UBR3: variants seen among roughly 807,000 people sequenced by gnomAD.
The protein encoded by UBR3 is E3 ubiquitin-protein ligase UBR3.
Under a neutral mutation model 243.2 loss-of-function variants are expected in UBR3, and 85 were observed. The observed-to-expected ratio is 0.35, with a 90% CI of 0.29 to 0.42. UBR3 has a LOEUF of 0.42. UBR3 is among the 10% of genes least tolerant of loss of function. The pLI, the probability that UBR3 is intolerant of heterozygous loss-of-function variation, is 1.00. For missense variants in UBR3, 1,686 were observed against 2,300.8 expected, an observed-to-expected ratio of 0.73 and a Z score of 5.47; for synonymous variants, 748 against 799.8, an observed-to-expected ratio of 0.94 and a Z score of 1.09.
rs906251479 is a variant in UBR3 at position 169,847,769 on chromosome 2, G to C, written c.545+19717G>C. On this transcript the variant is annotated intron_variant, in intron 1 of 38. Coordinates refer to ENST00000272793, the MANE Select transcript of UBR3 (RefSeq NM_172070.4). ...TTACAAGTTTTCCATCAGTTTGGCT[G>C]ATGGGAACAGACACCATTCTCAACC... 8.5e-5 allele frequency among the ~76,000 whole-genome samples: 13 copies of C among 152,158 alleles called. No homozygotes were observed. In the South Asian group the frequency reaches 1.0e-3, roughly 12 times the overall value.
intron 2 of UBR3, 120 bp downstream of exon 2, chr2:169,872,495 A>G (rs371852802): frequency 8.5e-6 from 6 of 702,112 alleles, no homozygotes; most frequent in Non-Finnish European, 2.2e-6. Flanking sequence ...TTAAAAAGAG[A>G]TGACTATAAA....
intron 5 of UBR3, among the ~76,000 whole-genome samples, chr2:169,887,779 C>T (rs979043829): frequency 6.7e-6 from 1 of 148,600 alleles, no homozygotes; most frequent in South Asian, 2.1e-4. Flanking sequence ...CTTTTTCTTT[C>T]TTTCTTTTTT....
chr2:169,918,508 G>T (rs551279179), intron 11 of UBR3, among the ~76,000 whole-genome samples: 2 of 138,238 alleles, frequency 1.4e-5, no homozygotes, highest in Non-Finnish European at 3.2e-5. Flanking sequence ...TTTTTTTTAA[G>T]ACAGGGTCTC....
At chr2:170,058,965 T>G (rs1377645178) in intron 33 of UBR3, among the ~76,000 whole-genome samples, 1 of 152,204 alleles carries the variant, frequency 6.6e-6, no homozygotes, top group African/African-American at 2.4e-5. Context: ...ACAGACTCTC[T>G]TGCATCTCTC....
intron 32 of UBR3, among the ~76,000 whole-genome samples, chr2:170,043,724 G>T (rs1300391877): frequency 6.6e-6 from 1 of 152,142 alleles, no homozygotes; most frequent in East Asian, 1.9e-4. Flanking sequence ...ACCAAAACAT[G>T]TACTTCACCC....
rs201195177 is a variant in UBR3 at position 169,924,553 on chromosome 2, AAGAGG to A, written c.2022+385_2022+389del. On this transcript the variant is annotated intron_variant, in intron 13 of 38. Coordinates refer to ENST00000272793, the MANE Select transcript of UBR3 (RefSeq NM_172070.4). ...TCCCTATCTGTATAGTGAGAGGAGA[AAGAGG>A]AGAGAAGAATTAGCTTATATAAGCA... Among the ~76,000 whole-genome samples the A allele has an allele frequency of 4.0e-3, 615 of 152,300 alleles. 5 individuals are homozygous for A. Among genetic ancestry groups the A allele is most frequent in the African/African-American group, 0.014 (575 of 41,556 alleles).
At chr2:170,048,374 T>G (rs932005776) in intron 32 of UBR3, among the ~76,000 whole-genome samples, 1 of 152,230 alleles carries the variant, frequency 6.6e-6, no homozygotes, top group Non-Finnish European at 1.5e-5. Context: ...AACCTCACTC[T>G]GGCATCATGC....
chr2:169,844,255 T>C (rs62170268), intron 1 of UBR3, among the ~76,000 whole-genome samples: 7,600 of 152,226 alleles, frequency 0.05, 229 homozygotes, highest in Non-Finnish European at 0.076. Context: ...CGCCTCAGCC[T>C]CCCAGAGTGC....
At position 169,856,332 on chromosome 2, in the gene UBR3, A is replaced by G. The variant is rs1269180042; in HGVS notation, c.546-15904A>G. Among the ~76,000 whole-genome samples, 7 of 125,342 alleles carry G rather than the reference A, an allele frequency of 5.6e-5. No individual in the cohort carries two copies. The South Asian group carries it at 1.0e-3, about 19-fold the overall frequency. 82.2% of individuals were successfully genotyped at this position (125,342 alleles called of 152,430 possible). On this transcript the variant is annotated intron_variant, in intron 1 of 38. Coordinates refer to ENST00000272793, the MANE Select transcript of UBR3 (RefSeq NM_172070.4). ...GACGGGATGATGGCCGGGAAGAGGC[A>G]CTCCTCACTTCCCAGACTGGGCAGC... is the stretch of plus-strand genomic sequence containing the variant.
intron 27 of UBR3, among the ~76,000 whole-genome samples, chr2:170,002,738 C>G (rs2089758872): frequency 6.6e-6 from 1 of 152,180 alleles, no homozygotes; most frequent in African/African-American, 2.4e-5. Context: ...CCCTTCTCAG[C>G]TCATCAGGAG....
intron 24 of UBR3, chr2:169,964,768 A>G (rs1334556460): frequency 2.4e-6 from 1 of 422,504 alleles, no homozygotes; most frequent in Non-Finnish European, 4.7e-6. Context: ...TTTGAATGTC[A>G]TAAGTGCAAA....
chr2:169,920,766 A>G (rs1292564986), intron 11 of UBR3, among the ~76,000 whole-genome samples: 1 of 152,206 alleles, frequency 6.6e-6, no homozygotes, highest in Non-Finnish European at 1.5e-5. Context: ...AAGCGGGGGT[A>G]GATGTCCCCT....
intron 26 of UBR3, among the ~76,000 whole-genome samples, chr2:170,000,199 T>G (rs1164089773): frequency 6.6e-6 from 1 of 152,016 alleles, no homozygotes; most frequent in Non-Finnish European, 1.5e-5. Flanking sequence ...GCTTATATAG[T>G]CTGGGTCCCT....
chr2:169,914,475 T>C (rs555257499), intron 11 of UBR3, among the ~76,000 whole-genome samples: 12 of 152,144 alleles, frequency 7.9e-5, no homozygotes, highest in Non-Finnish European at 1.8e-4. Context: ...AAAGTGACAA[T>C]GCAAATGTGA....
chr2:169,901,595 T>C (rs2084825243), intron 8 of UBR3, among the ~76,000 whole-genome samples: 1 of 152,160 alleles, frequency 6.6e-6, no homozygotes, highest in South Asian at 2.1e-4. Flanking sequence ...TCTAGCCTTG[T>C]CTTGAATTGT....
At chr2:169,866,178 A>G (rs2083254124) in intron 1 of UBR3, among the ~76,000 whole-genome samples, 1 of 134,492 alleles carries the variant, frequency 7.4e-6, no homozygotes, top group South Asian at 2.4e-4. Flanking sequence ...AAAAAAAAAA[A>G]AAGCTTTTAT....
chr2:170,045,970 T>TA lies in UBR3; in HGVS notation c.4660+4985_4660+4986insA, dbSNP rs1465818645. Reference sequence around the variant, plus strand: ...CCATAGTTGCTTCTTGTAAATTTTTTTTTTTTTTTTTTTTTTTGGAGACAG... The same window carrying TA: ...CCATAGTTGCTTCTTGTAAATTTTTTATTTTTTTTTTTTTTTTTGGAGACAG... On this transcript the variant is annotated intron_variant, in intron 32 of 38. Coordinates refer to ENST00000272793, the MANE Select transcript of UBR3 (RefSeq NM_172070.4). 6.9e-3 allele frequency among the ~76,000 whole-genome samples: 33 copies of TA among 4,800 alleles called. No individual in the cohort carries two copies. The Admixed American group carries it at 0.08, about 12-fold the overall frequency. 3.1% of individuals were successfully genotyped at this position (4,800 alleles called of 152,430 possible).
In UBR3 at chr2:169,943,551, A is replaced by G. The variant is rs563300298; in HGVS notation, c.2805+917A>G. On this transcript the variant is annotated intron_variant, in intron 20 of 38. Transcript: ENST00000272793. ...GGGAGGTGGAGGTTGCAGTGAGCCC[A>G]GATTGTGCCACTGCACTCCAGCCTG... Among the ~76,000 whole-genome samples the G allele has an allele frequency of 3.9e-5, 6 of 152,312 alleles. No individual in the cohort carries two copies. The East Asian group carries it at 9.7e-4, about 25-fold the overall frequency.
chr2:169,872,086 T>G, intron 1 of UBR3, 150 bp from the exon 2 acceptor site: 3 of 555,650 alleles, frequency 5.4e-6, no homozygotes, highest in Non-Finnish European at 8.3e-6. Context: ...TAAACACTGG[T>G]TTAAAATTAC....
Sources: gnomAD v4.1 joint callset for allele counts (sites outside exome capture counted in the v4.1 genomes callset) on GRCh38, gnomAD v4.1.1 for gene constraint, MANE v1.5 for transcripts, NCBI Gene and HGNC (gene_info 2026-07-23, HGNC 2026-07-21) for gene names.